CD36: variants seen among roughly 807,000 people sequenced by gnomAD.
CD36 encodes the protein platelet glycoprotein 4.
Under a neutral mutation model 55.2 loss-of-function variants are expected in CD36, and 119 were observed. The observed-to-expected ratio is 2.15, with a 90% CI of 1.86 to 2.51. CD36 has a LOEUF of 2.51. CD36 is among the 30% of genes most tolerant of loss of function. The probability of loss-of-function intolerance (pLI) is 0.00; values close to 1 mark genes in which losing one functional copy is unlikely to be tolerated. For missense variants in CD36, 819 were observed against 555.5 expected (o/e 1.47, Z -4.77); for synonymous variants, 186 against 193.6 (o/e 0.96, Z 0.33).
At chr7:80,612,779 G>A (rs1584270503) in intron 1 of CD36, among the ~76,000 whole-genome samples, 6 of 152,058 alleles carry the variant, frequency 3.9e-5, no homozygotes, top group Admixed American at 3.9e-4. Flanking sequence ...AAATGTATAA[G>A]CATTGTGGAA....
At chr7:80,670,785 C>T (rs1182770492) in intron 9 of CD36, 192 bp from the exon 10 acceptor site, 1 of 582,666 alleles carries the variant, frequency 1.7e-6, no homozygotes, top group African/African-American at 1.9e-5. Flanking sequence ...ACTTCACAAA[C>T]AAGAATAGTT....
At chr7:80,611,636 G>C (rs1792882416) in intron 1 of CD36, among the ~76,000 whole-genome samples, 2 of 152,184 alleles carry the variant, frequency 1.3e-5, no homozygotes, top group African/African-American at 2.4e-5. Flanking sequence ...CCGGTAAGAA[G>C]ATGTTAGGAA....
chr7:80,636,764 T>C (rs948508267), upstream of CD36: 2 of 152,082 alleles, frequency 1.3e-5, no homozygotes, highest in African/African-American at 4.8e-5. Flanking sequence ...TTTGCTATGT[T>C]ATTGTTTAAG....
intron 1 of CD36, among the ~76,000 whole-genome samples, chr7:80,632,273 A>C (rs1794118412): frequency 6.6e-6 from 1 of 151,848 alleles, no homozygotes; most frequent in Non-Finnish European, 1.5e-5. Flanking sequence ...AAAAAAAAAA[A>C]AACAGAACAA....
At chr7:80,671,251 C>A in intron 10 of CD36, 87 bp downstream of exon 10, 1 of 846,010 alleles carries the variant, frequency 1.2e-6, no homozygotes, top group Non-Finnish European at 1.9e-6. Flanking sequence ...CTTTAGCAAC[C>A]AAAATTTAAA....
intron 3 of CD36, among the ~76,000 whole-genome samples, chr7:80,652,220 A>G (rs533018824): frequency 2.0e-5 from 3 of 152,338 alleles, no homozygotes; most frequent in Non-Finnish European, 4.4e-5. Context: ...GTTTCAAGAA[A>G]TAGACAAGCA....
chr7:80,603,496 T>C (rs904980436), intron 1 of CD36, among the ~76,000 whole-genome samples: 1 of 152,160 alleles, frequency 6.6e-6, no homozygotes, highest in African/African-American at 2.4e-5. Flanking sequence ...AGGCAACCTA[T>C]CTTGTTTTCA....
intron 1 of CD36, among the ~76,000 whole-genome samples, chr7:80,640,743 A>G (rs1342835516): frequency 1.3e-5 from 2 of 152,110 alleles, no homozygotes; most frequent in Non-Finnish European, 2.9e-5. Flanking sequence ...TCCCTGGTTC[A>G]TAAGTCTTTA....
intron 1 of CD36, among the ~76,000 whole-genome samples, chr7:80,610,102 T>C (rs1761663): frequency 0.4 from 61,550 of 152,058 alleles, 12,692 homozygotes; most frequent in African/African-American, 0.47. Flanking sequence ...AGCACACAGC[T>C]CACTTTTAAC....
intron 8 of CD36, among the ~76,000 whole-genome samples, chr7:80,668,985 T>C (rs568773179): frequency 3.3e-5 from 5 of 152,350 alleles, no homozygotes; most frequent in African/African-American, 1.2e-4. Flanking sequence ...TTTTATACAC[T>C]TTCAAAGCAT....
chr7:80,664,464 A>G lies in CD36; in HGVS notation c.668A>G (p.Lys223Arg). 1 of 1,581,924 alleles carries G rather than the reference A, an allele frequency of 6.3e-7. No homozygotes were observed. The highest frequency in any genetic ancestry group is 1.1e-5 in the South Asian group (1 of 90,410). ...TTCAATGGAAAAGATAACATAAGTA[A>G]AGTTGCCATAATCGACACATATAAA... ...KVFNGKDNIS[K>R]VAIIDTYKGK... The change falls in exon 7 of 15, where the codon AAA becomes AGA. Residue 223 changes from lysine to arginine, a missense_variant. By Grantham distance (26) the Lys-to-Arg change is conservative (BLOSUM62 2). Transcript: ENST00000447544.
At chr7:80,667,833 T>TCTGC (rs199563253) in intron 8 of CD36, among the ~76,000 whole-genome samples, 3,415 of 138,756 alleles carry the variant, frequency 0.025, 126 homozygotes, top group African/African-American at 0.085. Flanking sequence ...CACTGCAACC[T>TCTGC]CTGCCTCCTG....
intron 3 of CD36, among the ~76,000 whole-genome samples, chr7:80,651,315 A>AACC (rs1382402829): frequency 2.0e-5 from 3 of 152,116 alleles, no homozygotes; most frequent in Admixed American, 6.6e-5. Context: ...TGAAGAAATA[A>AACC]TCCGTACACC....
chr7:80,639,139 C>T (rs1031412814), intron 1 of CD36, among the ~76,000 whole-genome samples: 5 of 151,940 alleles, frequency 3.3e-5, no homozygotes, highest in Admixed American at 2.6e-4. Context: ...TTATAAATGA[C>T]TTACAGCTCT....
rs763968544 is a variant in CD36, at chr7:80,673,415, T to C, written c.1254+6T>C. The C allele has an allele frequency of 7.1e-6, 11 of 1,547,894 alleles. No homozygotes were observed. Among genetic ancestry groups the C allele is most frequent in the South Asian group, 1.1e-5 (1 of 89,644 alleles). On this transcript the variant is annotated splice_donor_region_variant and intron_variant, in intron 13 of 14. Transcript: ENST00000447544. ...CTATTCTTTGGCTTAATGAGGTTTGTATTTGCAGCTGTTAGTCATTAAAAA... is the reference window on the plus strand; with the variant it reads ...CTATTCTTTGGCTTAATGAGGTTTGCATTTGCAGCTGTTAGTCATTAAAAA...
intron 3 of CD36, among the ~76,000 whole-genome samples, chr7:80,648,903 A>G (rs1451408625): frequency 2.6e-5 from 4 of 152,100 alleles, no homozygotes; most frequent in East Asian, 1.9e-4. Context: ...TGAAGATGGA[A>G]GGAAGAAGGT....
chr7:80,663,892 A>G (rs3211905), intron 6 of CD36, among the ~76,000 whole-genome samples: 6,811 of 152,232 alleles, frequency 0.045, 285 homozygotes, highest in African/African-American at 0.1. Flanking sequence ...TTATATATCA[A>G]TTATAAATGA....
At chr7:80,674,211 T>TG in intron 14 of CD36, 64 bp downstream of exon 14, 1 of 1,210,984 alleles carries the variant, frequency 8.3e-7, no homozygotes, top group Non-Finnish European at 1.2e-6. Context: ...GTTTTCACTT[T>TG]ATCAAAGAGA....
intron 3 of CD36, among the ~76,000 whole-genome samples, chr7:80,654,295 T>C (rs1004123014): frequency 1.3e-5 from 2 of 152,172 alleles, no homozygotes; most frequent in Non-Finnish European, 1.5e-5. Context: ...TTAAGAGATA[T>C]TAGGTCGGTA....
Sources: allele counts gnomAD v4.1 joint callset (sites outside exome capture counted in the v4.1 genomes callset), GRCh38; gene constraint gnomAD v4.1.1; transcripts MANE v1.5; gene names NCBI Gene and HGNC (gene_info 2026-07-23, HGNC 2026-07-21).